Variants in ATP2B4 observed in about 807,000 individuals in gnomAD.
The protein encoded by ATP2B4 is ATPase plasma membrane Ca2+ transporting 4, also known as plasma membrane calcium-transporting ATPase 4.
A neutral mutation model predicts 110.3 loss-of-function variants in ATP2B4; 39 were observed. That is an observed-to-expected ratio of 0.35 (90% confidence interval 0.27 to 0.46). ATP2B4 has a LOEUF of 0.46. Ranked by LOEUF, ATP2B4 falls within the 20% of genes least tolerant of loss-of-function variation. ATP2B4 has a pLI of 1.00. For missense variants in ATP2B4, 1,135 were observed against 1,530.9 expected (o/e 0.74, Z 4.32); for synonymous variants, 538 against 571.7 (o/e 0.94, Z 0.84).
At chr1:203,700,411 T>G in intron 5 of ATP2B4, 80 bp downstream of exon 5, 1 of 1,508,370 alleles carries the variant, frequency 6.6e-7, no homozygotes, top group Non-Finnish European at 8.9e-7. Flanking sequence ...TGTTCTCTCC[T>G]CTGACTCTGT....
intron 1 of ATP2B4, among the ~76,000 whole-genome samples, chr1:203,680,819 C>T (rs1166178872): frequency 6.6e-6 from 1 of 152,192 alleles, no homozygotes; most frequent in Non-Finnish European, 1.5e-5. Flanking sequence ...GGCTAAGTAA[C>T]ATCCCTGTCT....
At chr1:203,657,529 T>C in intron 1 of ATP2B4, 2 of 801,740 alleles carry the variant, frequency 2.5e-6, no homozygotes, top group South Asian at 1.4e-5. Flanking sequence ...TTTTGTTTGG[T>C]GTTTCTCTTT....
chr1:203,694,479 A>G (rs749718943), intron 2 of ATP2B4, among the ~76,000 whole-genome samples: 8 of 152,190 alleles, frequency 5.3e-5, no homozygotes, highest in African/African-American at 1.9e-4. Flanking sequence ...ACAAAGAGGA[A>G]TCTGGGCAGA....
chr1:203,647,477 C>T (rs956766220), intron 1 of ATP2B4, among the ~76,000 whole-genome samples: 15 of 151,778 alleles, frequency 9.9e-5, no homozygotes, highest in African/African-American at 3.4e-4. Context: ...AAAAAACAAA[C>T]GGCTGGACAC....
intron 2 of ATP2B4, among the ~76,000 whole-genome samples, chr1:203,685,201 G>A (rs1456209864): frequency 1.3e-5 from 2 of 152,222 alleles, no homozygotes; most frequent in African/African-American, 4.8e-5. Flanking sequence ...GAAAAATTCA[G>A]CTTCAGGCTT....
intron 1 of ATP2B4, among the ~76,000 whole-genome samples, chr1:203,669,789 A>G (rs530337733): frequency 4.6e-5 from 7 of 152,280 alleles, no homozygotes; most frequent in African/African-American, 1.7e-4. Flanking sequence ...AGCACACTGG[A>G]TGGAACAGAG....
At chr1:203,636,774 A>G (rs1429546064) in intron 1 of ATP2B4, among the ~76,000 whole-genome samples, 4 of 152,230 alleles carry the variant, frequency 2.6e-5, no homozygotes, top group African/African-American at 9.6e-5. Flanking sequence ...CTTCTATAGA[A>G]GACAAAGGAG....
In ATP2B4 at chr1:203,656,888, CTGTT is replaced by C. The variant is rs1664179833; in HGVS notation, c.-464-25851_-464-25848del. On this transcript the variant is annotated intron_variant, in intron 1 of 20. Coordinates refer to ENST00000357681, the MANE Select transcript of ATP2B4 (RefSeq NM_001684.5). ...ATCTCTTGATTGCAGACATATATGGCTGTTTGGTAGAAACATTACAGTAATGGCA... is the reference window on the plus strand; with the variant it reads ...ATCTCTTGATTGCAGACATATATGGCTGGTAGAAACATTACAGTAATGGCA... 8 of 525,684 alleles carry C rather than the reference CTGTT, an allele frequency of 1.5e-5. No homozygotes were observed. In the East Asian group the frequency reaches 2.6e-4, roughly 17 times the overall value. 32.6% of individuals were successfully genotyped at this position (525,684 alleles called of 1,614,324 possible). A position where few individuals can be genotyped will look rare whatever the true frequency, so the allele number is the denominator to read the frequency against.
chr1:203,675,192 A>C (rs10900577), intron 1 of ATP2B4, among the ~76,000 whole-genome samples: 112,509 of 151,986 alleles, frequency 0.74, 42,437 homozygotes, highest in Middle Eastern at 0.86. Flanking sequence ...GGATCTTAGC[A>C]GACCAGGTGA....
intron 1 of ATP2B4, among the ~76,000 whole-genome samples, chr1:203,679,723 A>G (rs951664993): frequency 6.6e-6 from 1 of 152,074 alleles, no homozygotes; most frequent in African/African-American, 2.4e-5. Flanking sequence ...TCTCTACTAA[A>G]ATACAAAAAT....
chr1:203,722,755 G>C, intron 18 of ATP2B4, 66 bp downstream of exon 18: 2 of 1,510,762 alleles, frequency 1.3e-6, no homozygotes, highest in South Asian at 1.2e-5. Flanking sequence ...TGGGAGCCAG[G>C]GTTCCCTACA....
At chr1:203,630,203 C>T (rs1026447693) in intron 1 of ATP2B4, among the ~76,000 whole-genome samples, 5 of 152,120 alleles carry the variant, frequency 3.3e-5, no homozygotes, top group Non-Finnish European at 4.4e-5. Flanking sequence ...GGAGGCTTTA[C>T]TCTTCCCCAC....
At chr1:203,627,603 G>A (rs1408927547) in intron 1 of ATP2B4, among the ~76,000 whole-genome samples, 2 of 151,244 alleles carry the variant, frequency 1.3e-5, no homozygotes, top group Non-Finnish European at 2.9e-5. Context: ...GGAATGAGAC[G>A]CAGGATGGAA....
At chr1:203,650,833 C>T (rs991616423) in intron 1 of ATP2B4, among the ~76,000 whole-genome samples, 1 of 152,242 alleles carries the variant, frequency 6.6e-6, no homozygotes, top group African/African-American at 2.4e-5. Context: ...ACTCTCATCC[C>T]CTTCCTCCCT....
chr1:203,676,366 G>A (rs1664828828), intron 1 of ATP2B4, among the ~76,000 whole-genome samples: 1 of 152,158 alleles, frequency 6.6e-6, no homozygotes, highest in Admixed American at 6.5e-5. Context: ...ATTGGAAGTG[G>A]CCAGGGTGAA....
At chr1:203,707,719 C>A (rs1665890808) in intron 9 of ATP2B4, 143 bp from the exon 10 acceptor site, 2 of 1,177,304 alleles carry the variant, frequency 1.7e-6, no homozygotes, top group South Asian at 1.4e-5. Context: ...GCATGAATCA[C>A]TGCACCCAGT....
chr1:203,664,609 A>G (rs550385301), intron 1 of ATP2B4, among the ~76,000 whole-genome samples: 2 of 152,268 alleles, frequency 1.3e-5, no homozygotes, highest in Middle Eastern at 3.4e-3. Context: ...GAAGGACTTC[A>G]TGGGAGAGCC....
chr1:203,698,377 CG>C (rs1324263272), intron 3 of ATP2B4, 23 bp downstream of exon 3: 2 of 1,610,894 alleles, frequency 1.2e-6, no homozygotes, highest in Admixed American at 3.3e-5. Context: ...AACAGCTCAG[CG>C]TGACTCTTAT....
rs573735864 is a variant in ATP2B4, at chr1:203,627,032, G to A, written c.-652G>A. On this transcript the variant is annotated 5_prime_UTR_variant, in exon 1 of 21. Coordinates refer to ENST00000357681, the MANE Select transcript of ATP2B4 (RefSeq NM_001684.5). The stretch of plus-strand genomic sequence containing the variant: ...ACCTGAGAGGTCCTTCCCATTGGAG[G>A]GGCAGGGGGAGGAGACCCAGCCCAC... 9 of 152,438 alleles carry A rather than the reference G, an allele frequency of 5.9e-5. No individual in the cohort carries two copies. The highest frequency in any genetic ancestry group is 2.2e-4 in the African/African-American group (9 of 41,584). 9.4% of individuals were successfully genotyped at this position (152,438 alleles called of 1,614,324 possible). A position where few individuals can be genotyped will look rare whatever the true frequency, so the allele number is the denominator to read the frequency against.
Sources: allele counts gnomAD v4.1 joint callset (sites outside exome capture counted in the v4.1 genomes callset), GRCh38; gene constraint gnomAD v4.1.1; transcripts MANE v1.5; gene names NCBI Gene and HGNC (gene_info 2026-07-23, HGNC 2026-07-21).